The following TMEM144 variants were observed in gnomAD, a reference collection of about 807,000 sequenced individuals.
TMEM144 encodes transmembrane protein 144.
In TMEM144, 39 loss-of-function variants were observed where a neutral mutation model predicts 43.6. The observed-to-expected ratio is 0.90, with a 90% confidence interval of 0.69 to 1.17. The LOEUF (loss-of-function observed/expected upper bound fraction) is 1.17. Ranked by LOEUF, TMEM144 falls within the 50% of genes most tolerant of loss-of-function variation. The pLI is 0.00. For synonymous variants in TMEM144, 154 were observed against 133.6 expected (o/e 1.15, Z -1.06); for missense variants, 417 against 411.9 (o/e 1.01, Z -0.11).
intron 6 of TMEM144, among the ~76,000 whole-genome samples, chr4:158,231,990 A>G (rs1316695991): frequency 6.6e-6 from 1 of 152,238 alleles, no homozygotes; most frequent in Non-Finnish European, 1.5e-5. Flanking sequence ...ACCCTATTTC[A>G]GTGTCATATA....
At chr4:158,215,862 A>G (rs1734195836) in intron 4 of TMEM144, among the ~76,000 whole-genome samples, 1 of 152,332 alleles carries the variant, frequency 6.6e-6, no homozygotes, top group East Asian at 1.9e-4. Flanking sequence ...TTCAATTAAT[A>G]TAAATACACC....
intron 4 of TMEM144, 122 bp from the exon 5 acceptor site, chr4:158,217,199 G>T: frequency 1.6e-6 from 1 of 621,070 alleles, no homozygotes. Flanking sequence ...AAGGAACTGT[G>T]CTTTACTAAA....
rs753103400 is a variant in TMEM144 at position 158,212,711 on chromosome 4, G to A, written c.44G>A (p.Cys15Tyr). 1 of 1,613,788 alleles carries A rather than the reference G, an allele frequency of 6.2e-7. No individual in the cohort carries two copies. Among genetic ancestry groups the A allele is most frequent in the Admixed American group, 1.7e-5 (1 of 60,010 alleles). ...GACCTAACCTTTGGTTACATCTCCTGTTTTGTAGCTATCCTTTTGTTTGGC... is the reference window on the plus strand; with the variant it reads ...GACCTAACCTTTGGTTACATCTCCTATTTTGTAGCTATCCTTTTGTTTGGC... ...GADLTFGYIS[C>Y]FVAILLFGSN... is the part of the protein sequence containing the mutation. Residue 15 changes from cysteine to tyrosine, a missense_variant, in exon 3 of 13, where the codon TGT becomes TAT. Transcript: ENST00000296529.
rs763572294 is a variant in TMEM144 at position 158,232,943 on chromosome 4, C to T, written c.456C>T (p.Asn152=). 1 of 1,611,704 alleles carries T rather than the reference C, an allele frequency of 6.2e-7. No homozygotes were observed. The highest frequency in any genetic ancestry group is 2.2e-5 in the East Asian group (1 of 44,798). The change falls in exon 7 of 13, where the codon AAC becomes AAT. Residue 152 remains asparagine, a synonymous_variant. Transcript: ENST00000296529. Reference sequence around the variant, plus strand: ...TCATCAAAAGTGAAATACCAAATAACACGTGTTCCATGGATACCACTCCAT... The same window carrying T: ...TCATCAAAAGTGAAATACCAAATAATACGTGTTCCATGGATACCACTCCAT... ...FLFIKSEIPN[N]TCSMDTTPLI...
At chr4:158,253,121 C>T (rs1475900849) in intron 12 of TMEM144, among the ~76,000 whole-genome samples, 2 of 152,172 alleles carry the variant, frequency 1.3e-5, no homozygotes, top group Non-Finnish European at 2.9e-5. Flanking sequence ...TCTCAAACAA[C>T]CATGGTGGTT....
At chr4:158,219,944 C>T (rs191632071) in intron 6 of TMEM144, among the ~76,000 whole-genome samples, 97 of 152,258 alleles carry the variant, frequency 6.4e-4, no homozygotes, top group African/African-American at 2.2e-3. Flanking sequence ...ATGCACTCTA[C>T]GAATAAGGGT....
At chr4:158,237,501 A>G (rs1394228816) in intron 8 of TMEM144, 24 bp from the exon 9 acceptor site, 18 of 1,553,184 alleles carry the variant, frequency 1.2e-5, no homozygotes, top group Admixed American at 1.7e-5. Context: ...GCCAAGATTA[A>G]TAGTGATTTA....
intron 7 of TMEM144, 159 bp downstream of exon 7, chr4:158,233,141 A>G (rs1735167119): frequency 7.6e-6 from 4 of 527,370 alleles, no homozygotes; most frequent in Admixed American, 3.6e-5. Flanking sequence ...CTATGTAGCA[A>G]TCAATCAATA....
rs1465450554 is a variant in TMEM144 at position 158,215,326 on chromosome 4, A to G, written c.232+13A>G. ...ATTTGGGCAACAGGTAATGTCTGAT[A>G]TAACTTATACTTTTATTATGTAACA... On this transcript the variant is annotated intron_variant, in intron 4 of 12. Transcript: ENST00000296529. 1 of 1,612,764 alleles carries G rather than the reference A, an allele frequency of 6.2e-7. No individual in the cohort carries two copies. The highest frequency in any genetic ancestry group is 2.2e-5 in the East Asian group (1 of 44,852).
At chr4:158,246,925 A>G in intron 12 of TMEM144, among the ~76,000 whole-genome samples, 1 of 151,968 alleles carries the variant, frequency 6.6e-6, no homozygotes, top group Non-Finnish European at 1.5e-5. Flanking sequence ...ACTACATATA[A>G]GAACCCTATT....
intron 12 of TMEM144, among the ~76,000 whole-genome samples, chr4:158,250,162 CATA>C (rs1736122915): frequency 6.9e-6 from 1 of 144,418 alleles, no homozygotes; most frequent in South Asian, 2.2e-4. Context: ...TAGTTAGTAA[CATA>C]ATTATTTGAT....
intron 6 of TMEM144, among the ~76,000 whole-genome samples, chr4:158,222,387 T>G (rs1734551999): frequency 6.6e-6 from 1 of 152,212 alleles, no homozygotes; most frequent in Admixed American, 6.5e-5. Context: ...TATTGTGCAT[T>G]CATTGACCCA....
chr4:158,216,778 C>T (rs1449063642), intron 4 of TMEM144, among the ~76,000 whole-genome samples: 1 of 151,464 alleles, frequency 6.6e-6, no homozygotes, highest in Non-Finnish European at 1.5e-5. Context: ...ATGAAGACAT[C>T]ATGGAATCCT....
rs376105863 is a variant in TMEM144, at chr4:158,233,006, T to C, written c.495+24T>C. 3.5e-5 allele frequency: 53 copies of C among 1,511,260 alleles called. 1 individual carries two copies. The highest frequency in any genetic ancestry group is 4.6e-5 in the Non-Finnish European group (51 of 1,109,636). The allele number at this position is 1,511,260 out of a possible 1,614,324, so 93.6% of individuals were successfully genotyped here. Reference sequence around the variant, plus strand: ...ATGTGAGTATAGTATGAGAGACAACTTGATTTGAAACATAAAATTAAGATA... The same window carrying C: ...ATGTGAGTATAGTATGAGAGACAACCTGATTTGAAACATAAAATTAAGATA... On this transcript the variant is annotated intron_variant, in intron 7 of 12. Coordinates refer to ENST00000296529, the MANE Select transcript of TMEM144 (RefSeq NM_018342.5).
intron 12 of TMEM144, among the ~76,000 whole-genome samples, chr4:158,247,716 T>C (rs1579154822): frequency 6.6e-6 from 1 of 152,098 alleles, no homozygotes; most frequent in East Asian, 1.9e-4. Flanking sequence ...TGTATTTTAC[T>C]TTGCTACAAA....
At chr4:158,237,754 T>A in intron 9 of TMEM144, 111 bp downstream of exon 9, 1 of 751,154 alleles carries the variant, frequency 1.3e-6, no homozygotes, top group Non-Finnish European at 2.1e-6. Flanking sequence ...TTTGTCCTTG[T>A]AAGTGGCGAA....
In TMEM144 at chr4:158,212,722, A is replaced by C. The variant is rs1734019843; in HGVS notation, c.55A>C (p.Ile19Leu). ...TGGTTACATCTCCTGTTTTGTAGCTATCCTTTTGTTTGGCTCAAATTTTGT... is the reference window on the plus strand; with the variant it reads ...TGGTTACATCTCCTGTTTTGTAGCTCTCCTTTTGTTTGGCTCAAATTTTGT... ...TFGYISCFVA[I>L]LLFGSNFVPL... is the part of the protein sequence containing the mutation. Residue 19 changes from isoleucine (I) to leucine (L), a missense_variant, in exon 3 of 13, where the codon ATC becomes CTC. Physicochemically the swap from Ile to Leu is conservative, Grantham distance 5. Transcript: ENST00000296529. The C allele has an allele frequency of 6.2e-7, 1 of 1,613,736 alleles. No individual in the cohort carries two copies. Among genetic ancestry groups the C allele is most frequent in the Admixed American group, 1.7e-5 (1 of 59,994 alleles).
intron 12 of TMEM144, among the ~76,000 whole-genome samples, chr4:158,253,193 C>T (rs1430650989): frequency 6.6e-6 from 1 of 152,206 alleles, no homozygotes; most frequent in Non-Finnish European, 1.5e-5. Flanking sequence ...CTTCCTGTCT[C>T]CCATATTATA....
chr4:158,241,542 C>T lies in TMEM144; in HGVS notation c.836C>T (p.Thr279Ile). The T allele has an allele frequency of 1.2e-6, 2 of 1,613,976 alleles. No individual in the cohort carries two copies. Among genetic ancestry groups the T allele is most frequent in the South Asian group, 1.1e-5 (1 of 91,070 alleles). Residue 279 changes from threonine (T) to isoleucine (I), a missense_variant, in exon 11 of 13, where the codon ACC becomes ATC. Coordinates refer to ENST00000296529, the MANE Select transcript of TMEM144 (RefSeq NM_018342.5). Reference sequence around the variant, plus strand: ...TCAGGAGTACTTTGGGCTATAGCTACCTGCTGTTGGTTCATAGCAAATCAC... The same window carrying T: ...TCAGGAGTACTTTGGGCTATAGCTATCTGCTGTTGGTTCATAGCAAATCAC... ...FLSGVLWAIA[T>I]CCWFIANHSL...
Sources: allele counts gnomAD v4.1 joint callset (sites outside exome capture counted in the v4.1 genomes callset), GRCh38; gene constraint gnomAD v4.1.1; transcripts MANE v1.5; gene names NCBI Gene and HGNC (gene_info 2026-07-23, HGNC 2026-07-21).